Variants in KIRREL1 observed in about 807,000 individuals in gnomAD.
KIRREL1 encodes kirre like nephrin family adhesion molecule 1.
Under a neutral mutation model 83.3 loss-of-function variants are expected in KIRREL1, and 25 were observed. The ratio of observed to expected loss-of-function variants is 0.30; its 90% CI spans 0.22 to 0.42. KIRREL1 has a LOEUF of 0.42. Ranked by LOEUF, KIRREL1 falls within the 10% of genes least tolerant of loss-of-function variation. The pLI is 1.00. For synonymous variants in KIRREL1, 388 were observed against 410.4 expected, an observed-to-expected ratio of 0.95 and a Z score of 0.66; for missense variants, 812 against 1,032.3, an observed-to-expected ratio of 0.79 and a Z score of 2.92.
intron 1 of KIRREL1, among the ~76,000 whole-genome samples, chr1:158,060,760 A>G (rs937454134): frequency 5.3e-5 from 8 of 152,268 alleles, no homozygotes; most frequent in Admixed American, 1.3e-4. Context: ...AATACAAGGT[A>G]TTGAGGAATG....
chr1:158,081,037 C>G (rs1231252054), intron 3 of KIRREL1, among the ~76,000 whole-genome samples: 1 of 128,168 alleles, frequency 7.8e-6, no homozygotes, highest in African/African-American at 2.8e-5. Flanking sequence ...AGCCCCCCAG[C>G]TCCCCAGGCC....
At chr1:158,035,018 G>C (rs912898502) in intron 1 of KIRREL1, among the ~76,000 whole-genome samples, 13 of 129,182 alleles carry the variant, frequency 1.0e-4, no homozygotes, top group African/African-American at 3.6e-4. Flanking sequence ...GTATATGTGT[G>C]TGTATTTATT....
At chr1:158,071,266 C>T (rs753032618) in intron 1 of KIRREL1, among the ~76,000 whole-genome samples, 1 of 152,232 alleles carries the variant, frequency 6.6e-6, no homozygotes. Flanking sequence ...CCTCCTCGCT[C>T]TCCCTCTGCC....
At chr1:158,021,596 T>C (rs1178286671) in intron 1 of KIRREL1, among the ~76,000 whole-genome samples, 2 of 152,208 alleles carry the variant, frequency 1.3e-5, no homozygotes, top group African/African-American at 2.4e-5. Context: ...TAATTGAGGT[T>C]AAGAAGAAAT....
At position 158,093,335 on chromosome 1, in the gene KIRREL1, A is replaced by C. The variant is rs1275053656; in HGVS notation, c.1472-4A>C. On this transcript the variant is annotated splice_region_variant and splice_polypyrimidine_tract_variant and intron_variant, in intron 11 of 14. Transcript: ENST00000359209. ...CCCCTCCACCTTTCCTTCCCCATCG[A>C]AAGAGGTGTTACCTGTGGGCATCAT... 6.2e-7 allele frequency: 1 copy of C among 1,612,974 alleles called. No individual in the cohort carries two copies. Among genetic ancestry groups the C allele is most frequent in the East Asian group, 2.2e-5 (1 of 44,880 alleles).
intron 1 of KIRREL1, among the ~76,000 whole-genome samples, chr1:158,060,048 T>C (rs1410456540): frequency 6.6e-6 from 1 of 152,188 alleles, no homozygotes; most frequent in Non-Finnish European, 1.5e-5. Context: ...TGCTCCTTAA[T>C]TCTCTCCTCC....
At chr1:158,010,326 A>ACACACAC (rs1659635529) in intron 1 of KIRREL1, among the ~76,000 whole-genome samples, 1 of 72,208 alleles carries the variant, frequency 1.4e-5, no homozygotes, top group Non-Finnish European at 3.6e-5. Context: ...CCCCACCATA[A>ACACACAC]ACACACACAC....
intron 1 of KIRREL1, among the ~76,000 whole-genome samples, chr1:158,018,316 G>C (rs1440754037): frequency 6.6e-6 from 1 of 152,210 alleles, no homozygotes; most frequent in Non-Finnish European, 1.5e-5. Context: ...TTCCCAGAAA[G>C]GGAATGAAGC....
chr1:158,070,761 G>T (rs1170606601), intron 1 of KIRREL1, among the ~76,000 whole-genome samples: 1 of 152,052 alleles, frequency 6.6e-6, no homozygotes, highest in Non-Finnish European at 1.5e-5. Flanking sequence ...AGGCAGAGAG[G>T]ATGCTGGTGG....
intron 2 of KIRREL1, 42 bp downstream of exon 2, chr1:158,076,304 T>G (rs1211296889): frequency 6.3e-7 from 1 of 1,585,798 alleles, no homozygotes; most frequent in Non-Finnish European, 8.6e-7. Flanking sequence ...TCCCATCTTC[T>G]CCGCCATTCC....
chr1:158,094,554 C>A lies in KIRREL1; in HGVS notation c.1798-90C>A, dbSNP rs1662299661. On this transcript the variant is annotated intron_variant, in intron 14 of 14. Coordinates refer to ENST00000359209, the MANE Select transcript of KIRREL1 (RefSeq NM_018240.7). The surrounding 1 kb of genome is among the most constrained non-coding windows in gnomAD (Gnocchi z 4.6). ...ATGCTAGATGGGGACATAGGGAGAGCTGGAGGAAGAGGCCCAGAAAGCCAT... is the reference window on the plus strand; with the variant it reads ...ATGCTAGATGGGGACATAGGGAGAGATGGAGGAAGAGGCCCAGAAAGCCAT... The A allele has an allele frequency of 2.4e-6, 3 of 1,274,192 alleles. No individual in the cohort carries two copies. The East Asian group carries it at 6.9e-5, about 30-fold the overall frequency. The allele number at this position is 1,274,192 out of a possible 1,614,324, so 78.9% of individuals were successfully genotyped here.
chr1:158,056,497 G>T (rs148567584), intron 1 of KIRREL1, among the ~76,000 whole-genome samples: 125 of 152,294 alleles, frequency 8.2e-4, no homozygotes, highest in African/African-American at 2.5e-3. Flanking sequence ...AGAGGCAGGG[G>T]TCAGGTTGGC....
intron 1 of KIRREL1, among the ~76,000 whole-genome samples, chr1:158,065,813 T>C (rs1364858519): frequency 2.9e-5 from 2 of 68,894 alleles, no homozygotes; most frequent in African/African-American, 1.2e-4. Context: ...GATTTCTGCC[T>C]GTGAGACCCC....
At chr1:158,083,652 G>A (rs978189217) in intron 3 of KIRREL1, among the ~76,000 whole-genome samples, 1 of 152,196 alleles carries the variant, frequency 6.6e-6, no homozygotes, top group African/African-American at 2.4e-5. Context: ...TAATAGGCCA[G>A]CCCATCTGTC....
intron 1 of KIRREL1, among the ~76,000 whole-genome samples, chr1:158,032,561 G>A (rs1212167662): frequency 2.0e-5 from 3 of 152,206 alleles, no homozygotes; most frequent in Non-Finnish European, 4.4e-5. Context: ...TTGGGAACAG[G>A]ATGCAGAGGG....
At chr1:158,058,032 T>C (rs1207303685) in intron 1 of KIRREL1, among the ~76,000 whole-genome samples, 1 of 152,128 alleles carries the variant, frequency 6.6e-6, no homozygotes, top group Non-Finnish European at 1.5e-5. Context: ...ACTGGGTGAG[T>C]TGGGGGCTTG....
chr1:158,030,142 G>A (rs1660284657), intron 1 of KIRREL1, among the ~76,000 whole-genome samples: 1 of 152,170 alleles, frequency 6.6e-6, no homozygotes, highest in Non-Finnish European at 1.5e-5. Context: ...TGAAAGTGGT[G>A]GGACTAGAAC....
At chr1:158,058,747 C>T (rs201306776) in intron 1 of KIRREL1, among the ~76,000 whole-genome samples, 4 of 152,254 alleles carry the variant, frequency 2.6e-5, no homozygotes, top group South Asian at 2.1e-4. Context: ...ACATTGCAGA[C>T]GACATCTGGG....
intron 1 of KIRREL1, among the ~76,000 whole-genome samples, chr1:158,071,313 C>T (rs903352519): frequency 3.3e-5 from 5 of 152,178 alleles, no homozygotes; most frequent in Non-Finnish European, 5.9e-5. Flanking sequence ...TGTTTCTCAG[C>T]GTTGTCTACG....
Sources: gnomAD v4.1 joint callset for allele counts (sites outside exome capture counted in the v4.1 genomes callset) on GRCh38, gnomAD v4.1.1 for gene constraint, Gnocchi (gnomAD v3.1) non-coding constraint, MANE v1.5 for transcripts, NCBI Gene and HGNC (gene_info 2026-07-23, HGNC 2026-07-21) for gene names.